CDH2: variants seen among roughly 807,000 people sequenced by gnomAD.
CDH2 encodes cadherin 2, also known as cadherin-2.
Under a neutral mutation model 92.0 loss-of-function variants are expected in CDH2, and 17 were observed. The ratio of observed to expected loss-of-function variants is 0.18; its 90% CI spans 0.13 to 0.28. The LOEUF is 0.28. Among genes scored for constraint, CDH2 ranks in the 10% least tolerant of loss-of-function variants. The pLI is 1.00. For synonymous variants in CDH2, 419 were observed against 415.9 expected (o/e 1.01, Z -0.09); for missense variants, 862 against 1,133.1 (o/e 0.76, Z 3.44).
chr18:27,957,666 ATTCTATAAGGTAACTATGCATTGT>A (rs2011286478), intron 15 of CDH2, among the ~76,000 whole-genome samples: 1 of 152,122 alleles, frequency 6.6e-6, no homozygotes, highest in Admixed American at 6.6e-5. Flanking sequence ...TTCAACAGGT[ATTCTATAAGGTAACTATGCATTGT>A]TGTCCTGGGC....
At chr18:28,153,165 G>A (rs974295159) in intron 1 of CDH2, among the ~76,000 whole-genome samples, 4 of 152,202 alleles carry the variant, frequency 2.6e-5, no homozygotes, top group Non-Finnish European at 4.4e-5. Context: ...CCAGGAGAAA[G>A]AGGGGGAAGT....
intron 2 of CDH2, among the ~76,000 whole-genome samples, chr18:28,048,342 C>T (rs1042616993): frequency 3.9e-5 from 6 of 152,086 alleles, no homozygotes; most frequent in African/African-American, 1.4e-4. Flanking sequence ...AGGGGAGCTA[C>T]AGTAAACTTT....
chr18:27,990,644 T>G (rs2143969805), intron 9 of CDH2, among the ~76,000 whole-genome samples: 1 of 152,278 alleles, frequency 6.6e-6, no homozygotes, highest in South Asian at 2.1e-4. Context: ...TTGATTATTC[T>G]TAAGAATAGC....
intron 7 of CDH2, among the ~76,000 whole-genome samples, chr18:27,994,164 A>G (rs961763836): frequency 6.6e-6 from 1 of 152,222 alleles, no homozygotes; most frequent in African/African-American, 2.4e-5. Context: ...CTATTGATAC[A>G]TATGATTCAA....
chr18:28,166,091 G>T (rs1270545792), intron 1 of CDH2, among the ~76,000 whole-genome samples: 1 of 136,100 alleles, frequency 7.3e-6, no homozygotes, highest in Non-Finnish European at 1.5e-5. Context: ...TTTGGAGGTG[G>T]ACAGGTCTCA....
chr18:28,172,858 T>A (rs965494528), intron 1 of CDH2, among the ~76,000 whole-genome samples: 2 of 152,054 alleles, frequency 1.3e-5, no homozygotes, highest in African/African-American at 4.8e-5. Context: ...TCTTCTAACT[T>A]CATAATAACC....
chr18:28,124,391 A>C (rs1159642834), intron 2 of CDH2, among the ~76,000 whole-genome samples: 3 of 152,274 alleles, frequency 2.0e-5, no homozygotes, highest in Non-Finnish European at 4.4e-5. Flanking sequence ...TCTCAGAAAA[A>C]GGAAAACCAC....
At chr18:28,028,062 G>T (rs1443450) in intron 2 of CDH2, among the ~76,000 whole-genome samples, 2 of 151,446 alleles carry the variant, frequency 1.3e-5, no homozygotes, top group South Asian at 4.2e-4. Flanking sequence ...TTTTAAAACA[G>T]GTTTTTGTTA....
chr18:28,135,736 G>T (rs1414065943), intron 2 of CDH2, among the ~76,000 whole-genome samples: 1 of 152,134 alleles, frequency 6.6e-6, no homozygotes, highest in East Asian at 1.9e-4. Context: ...AAATCTGAAA[G>T]ATTTAATCTC....
intron 14 of CDH2, chr18:27,963,800 A>T: frequency 2.9e-6 from 1 of 341,784 alleles, no homozygotes; most frequent in South Asian, 4.6e-5. Flanking sequence ...TCTCACTATA[A>T]AACAACTAAA....
intron 2 of CDH2, among the ~76,000 whole-genome samples, chr18:28,016,144 C>A (rs1262259336): frequency 6.6e-6 from 1 of 152,114 alleles, no homozygotes; most frequent in Non-Finnish European, 1.5e-5. Flanking sequence ...ATTTGTATTT[C>A]CTGTCCACTG....
At chr18:28,072,676 A>G (rs2014641692) in intron 2 of CDH2, among the ~76,000 whole-genome samples, 1 of 152,240 alleles carries the variant, frequency 6.6e-6, no homozygotes, top group African/African-American at 2.4e-5. Context: ...TTTACATAAA[A>G]CACAGGAAGG....
intron 4 of CDH2, 37 bp from the exon 5 acceptor site, chr18:28,009,909 C>A: frequency 1.9e-6 from 3 of 1,542,810 alleles, no homozygotes; most frequent in Non-Finnish European, 2.6e-6. Context: ...AAGTGAGAGA[C>A]TAAATGAGCT....
downstream of CDH2, among the ~76,000 whole-genome samples, chr18:27,947,596 A>G (rs1056418657): frequency 4.0e-5 from 6 of 151,886 alleles, no homozygotes; most frequent in African/African-American, 1.4e-4. Flanking sequence ...AGGTCAATGG[A>G]ATAGAAGATC....
chr18:28,109,944 A>G (rs557843332), intron 2 of CDH2, among the ~76,000 whole-genome samples: 51 of 152,306 alleles, frequency 3.3e-4, no homozygotes, highest in Middle Eastern at 3.4e-3. Context: ...TTTTTGAATG[A>G]CTGCCCAAGA....
At chr18:27,972,531 C>T (rs2011692177) in intron 14 of CDH2, among the ~76,000 whole-genome samples, 1 of 152,188 alleles carries the variant, frequency 6.6e-6, no homozygotes. Context: ...GAGAGTAGCA[C>T]AGTGCCTGAC....
At chr18:27,998,041 C>G (rs17522436) in intron 7 of CDH2, among the ~76,000 whole-genome samples, 183 of 152,148 alleles carry the variant, frequency 1.2e-3, no homozygotes, top group South Asian at 6.0e-3. Flanking sequence ...CTCCTGACCT[C>G]GTGATCCGCC....
chr18:27,954,851 G>A (rs914933054), intron 15 of CDH2, among the ~76,000 whole-genome samples: 3 of 152,182 alleles, frequency 2.0e-5, no homozygotes, highest in East Asian at 1.9e-4. Flanking sequence ...GGCTGCCCTC[G>A]TGGAGTTAAT....
At chr18:28,045,409 A>G (rs898467457) in intron 2 of CDH2, 13 of 467,850 alleles carry the variant, frequency 2.8e-5, no homozygotes, top group Non-Finnish European at 4.9e-5. Context: ...AGAAAGACCT[A>G]CTCCTTTGAG....
Sources: gnomAD v4.1 joint callset for allele counts (sites outside exome capture counted in the v4.1 genomes callset) on GRCh38, gnomAD v4.1.1 for gene constraint, MANE v1.5 for transcripts, NCBI Gene and HGNC (gene_info 2026-07-23, HGNC 2026-07-21) for gene names.